The following TUSC3 variants were observed in gnomAD, a reference collection of about 807,000 sequenced individuals.
TUSC3 encodes tumor suppressor candidate 3.
In TUSC3, 45 loss-of-function variants were observed where a neutral mutation model predicts 44.8. The ratio of observed to expected loss-of-function variants is 1.00; its 90% confidence interval spans 0.79 to 1.29. The LOEUF is 1.29. TUSC3 is among the 50% of genes most tolerant of loss of function. The probability of loss-of-function intolerance (pLI) is 0.00; values close to 1 mark genes in which losing one functional copy is unlikely to be tolerated. For synonymous variants in TUSC3, 212 were observed against 152.9 expected (o/e 1.39, Z -2.85); for missense variants, 519 against 437.9 (o/e 1.19, Z -1.65).
chr8:15,452,963 C>T (rs555325334), intron 1 of TUSC3, among the ~76,000 whole-genome samples: 1 of 152,102 alleles, frequency 6.6e-6, no homozygotes, highest in Non-Finnish European at 1.5e-5. Flanking sequence ...CACCACCAGA[C>T]CAGATAGCGA....
chr8:15,582,876 G>GA lies in TUSC3; in HGVS notation c.139-40202dup, dbSNP rs374551291. Among the ~76,000 whole-genome samples, 751 of 152,260 alleles carry GA rather than the reference G, an allele frequency of 4.9e-3. 1 individual carries two copies. The highest frequency in any genetic ancestry group is 0.014 in the African/African-American group (570 of 41,552). Reference sequence around the variant, plus strand: ...TGATATGTAACACTTCTCCTTTTTAGAAGACCTACAACCTTCTCTTTGTTC... The same window carrying GA: ...TGATATGTAACACTTCTCCTTTTTAGAAAGACCTACAACCTTCTCTTTGTTC... On this transcript the variant is annotated intron_variant, in intron 1 of 10. Transcript: ENST00000503731.
chr8:15,710,950 A>T (rs1489834931), intron 6 of TUSC3, among the ~76,000 whole-genome samples: 1 of 151,054 alleles, frequency 6.6e-6, no homozygotes, highest in East Asian at 1.9e-4. Flanking sequence ...CCAGAATTTC[A>T]CTTAACTTTG....
chr8:15,479,830 G>A (rs185119688), intron 1 of TUSC3, among the ~76,000 whole-genome samples: 12 of 152,230 alleles, frequency 7.9e-5, no homozygotes, highest in South Asian at 2.1e-4. Context: ...GAAATAAAGC[G>A]TATTCAAATA....
At chr8:15,673,665 C>T (rs1327547788) in intron 5 of TUSC3, 82 bp from the exon 6 acceptor site, 3 of 1,171,232 alleles carry the variant, frequency 2.6e-6, no homozygotes, top group African/African-American at 3.0e-5. Context: ...AAGATACTTT[C>T]ATGATGACCA....
chr8:15,602,041 C>T (rs376020735), intron 1 of TUSC3, among the ~76,000 whole-genome samples: 71 of 151,568 alleles, frequency 4.7e-4, no homozygotes, highest in African/African-American at 1.7e-3. Flanking sequence ...TGACCCTAAA[C>T]CCAAAACTTT....
intron 1 of TUSC3, among the ~76,000 whole-genome samples, chr8:15,589,532 A>G (rs1803736351): frequency 6.6e-6 from 1 of 152,168 alleles, no homozygotes; most frequent in Admixed American, 6.5e-5. Flanking sequence ...TTACAATTTA[A>G]ATTTTAAATT....
intron 2 of TUSC3, among the ~76,000 whole-genome samples, chr8:15,650,134 CTT>C (rs776743503): frequency 1.3e-4 from 20 of 152,112 alleles, no homozygotes; most frequent in Non-Finnish European, 2.6e-4. Flanking sequence ...AAAGAGAAAT[CTT>C]TGCTTACTGT....
chr8:15,543,908 ATTTGTGTG>A (rs1308870282), intron 1 of TUSC3, among the ~76,000 whole-genome samples: 12 of 104,420 alleles, frequency 1.1e-4, no homozygotes, highest in Non-Finnish European at 2.2e-4. Context: ...TATCCCATGG[ATTTGTGTG>A]TGTGTGTGTG....
At chr8:15,629,335 ATTG>A (rs888353405) in intron 2 of TUSC3, among the ~76,000 whole-genome samples, 7 of 152,142 alleles carry the variant, frequency 4.6e-5, no homozygotes, top group African/African-American at 1.7e-4. Flanking sequence ...CTTGAGGTCT[ATTG>A]TTATTGAGCC....
chr8:15,627,598 C>T (rs1266005935), intron 2 of TUSC3, among the ~76,000 whole-genome samples: 1 of 152,236 alleles, frequency 6.6e-6, no homozygotes, highest in East Asian at 1.9e-4. Flanking sequence ...TGGGAGCTTC[C>T]TGAGCCAGGG....
chr8:15,441,579 A>T (rs755068022), intron 1 of TUSC3, among the ~76,000 whole-genome samples: 1 of 152,244 alleles, frequency 6.6e-6, no homozygotes, highest in African/African-American at 2.4e-5. Context: ...AATGCATAAT[A>T]GGCTATGCTG....
intron 2 of TUSC3, among the ~76,000 whole-genome samples, chr8:15,512,552 C>A (rs760463349): frequency 6.6e-6 from 1 of 152,096 alleles, no homozygotes; most frequent in Non-Finnish European, 1.5e-5. Flanking sequence ...GTGGGCAGAT[C>A]ACTTGAGGTC....
intron 1 of TUSC3, among the ~76,000 whole-genome samples, chr8:15,470,545 G>A (rs1360927581): frequency 2.6e-5 from 4 of 152,048 alleles, no homozygotes; most frequent in Non-Finnish European, 4.4e-5. Flanking sequence ...AGTATGTGTC[G>A]GGACAGGAGG....
At chr8:15,455,855 C>G (rs995151666) in intron 1 of TUSC3, among the ~76,000 whole-genome samples, 3 of 152,152 alleles carry the variant, frequency 2.0e-5, no homozygotes, top group Non-Finnish European at 2.9e-5. Flanking sequence ...TGAGAGACCA[C>G]CAGGCTAGGA....
At chr8:15,841,705 G>T in the TUSC3 span, among the ~76,000 whole-genome samples, 1 of 152,096 alleles carries the variant, frequency 6.6e-6, no homozygotes, top group Admixed American at 6.5e-5. Context: ...GTAGAGACGG[G>T]GTTTTGCCAT....
the TUSC3 span, among the ~76,000 whole-genome samples, chr8:15,813,412 G>C: frequency 6.7e-6 from 1 of 149,280 alleles, no homozygotes; most frequent in African/African-American, 2.5e-5. Context: ...AGGCACACCT[G>C]TCTCTGCCAT....
intron 1 of TUSC3, among the ~76,000 whole-genome samples, chr8:15,426,675 T>A (rs1799808332): frequency 6.6e-6 from 1 of 152,232 alleles, no homozygotes; most frequent in South Asian, 2.1e-4. Context: ...CTTAGCTTCA[T>A]GAATGTTGTA....
intron 6 of TUSC3, among the ~76,000 whole-genome samples, chr8:15,713,793 GA>G (rs1392117959): frequency 6.6e-6 from 1 of 152,048 alleles, no homozygotes; most frequent in Non-Finnish European, 1.5e-5. Context: ...TCTCACCAAA[GA>G]GTCATATTCT....
upstream of TUSC3, among the ~76,000 whole-genome samples, chr8:15,538,527 G>A (rs751205878): frequency 6.6e-6 from 1 of 152,200 alleles, no homozygotes; most frequent in Non-Finnish European, 1.5e-5. Flanking sequence ...TTTTTTCTGG[G>A]CCTTAATTTC....
Sources: allele counts gnomAD v4.1 joint callset (sites outside exome capture counted in the v4.1 genomes callset), GRCh38; gene constraint gnomAD v4.1.1; transcripts MANE v1.5; gene names NCBI Gene and HGNC (gene_info 2026-07-23, HGNC 2026-07-21).